RIMBP2: variants seen among roughly 807,000 people sequenced by gnomAD.
The protein encoded by RIMBP2 is RIMS-binding protein 2.
RIMBP2 carries 48 observed loss-of-function variants against 118.6 expected under a neutral mutation model. That is an observed-to-expected ratio of 0.40 (90% confidence interval 0.32 to 0.51). The LOEUF (loss-of-function observed/expected upper bound fraction) is 0.51, where lower values mean the gene tolerates loss of function less well. Ranked by LOEUF, RIMBP2 falls within the 20% of genes least tolerant of loss-of-function variation. RIMBP2 has a pLI of 0.41. For synonymous variants in RIMBP2, 762 were observed against 742.9 expected (o/e 1.03, Z -0.42); for missense variants, 1,551 against 1,768.3 (o/e 0.88, Z 2.20).
rs139697978 is a variant in RIMBP2 at position 130,503,651 on chromosome 12, C to T, written c.-4+2997G>A. Among the ~76,000 whole-genome samples the T allele has an allele frequency of 5.9e-3, 900 of 152,282 alleles. 10 individuals carry two copies. Among genetic ancestry groups the T allele is most frequent in the African/African-American group, 0.02 (825 of 41,548 alleles). On this transcript the variant is annotated intron_variant, in intron 4 of 22. Coordinates refer to ENST00000690449, the MANE Select transcript of RIMBP2 (RefSeq NM_001393629.1). ...TTCTGCATCCTCTAACATAACATTC[C>T]GAGTAAGAAAACCATGTCCAGCACG... is the stretch of plus-strand genomic sequence containing the variant.
rs374641281 is a variant in RIMBP2, at chr12:130,469,240, C to T, written c.153+1453G>A. On this transcript the variant is annotated intron_variant, in intron 6 of 22. Coordinates refer to ENST00000690449, the MANE Select transcript of RIMBP2 (RefSeq NM_001393629.1). This position sits in a 1 kb window ranked among gnomAD's most constrained non-coding sequence, Gnocchi z 4.8. ...TAAAAGACACAATTCCCAGCACATC[C>T]GAATTGCCTTGTTTTTCGAACCAAA... 5.9e-5 allele frequency: 9 copies of T among 152,538 alleles called. No homozygotes were observed. The highest frequency in any genetic ancestry group is 6.5e-5 in the Admixed American group (1 of 15,284). The allele number at this position is 152,538 out of a possible 1,614,324, so 9.4% of individuals were successfully genotyped here.
intron 4 of RIMBP2, among the ~76,000 whole-genome samples, chr12:130,480,549 ATTATT>A (rs1475195348): frequency 6.6e-6 from 1 of 152,134 alleles, no homozygotes; most frequent in African/African-American, 2.4e-5. Context: ...TTTATTTTTT[ATTATT>A]TTATTATTTT....
chr12:130,472,935 C>T (rs766173342), intron 5 of RIMBP2, among the ~76,000 whole-genome samples: 10 of 152,132 alleles, frequency 6.6e-5, no homozygotes, highest in Non-Finnish European at 2.9e-5. Context: ...AAGCAAAAAC[C>T]AGCAAGAGCA....
chr12:130,712,352 T>G lies in RIMBP2; in HGVS notation c.-352+3870A>C, dbSNP rs920759127. On this transcript the variant is annotated intron_variant, in intron 1 of 22. Transcript: ENST00000690449. ...GTACAGCTGTACAAAAATAATTTCT[T>G]TCTTTATATCCTCATCTATTTGCTT... is the stretch of plus-strand genomic sequence containing the variant. Among the ~76,000 whole-genome samples the G allele has an allele frequency of 2.6e-5, 4 of 152,238 alleles. 1 individual carries two copies. Among genetic ancestry groups the G allele is most frequent in the Non-Finnish European group, 5.9e-5 (4 of 68,048 alleles).
At chr12:130,460,222 C>A (rs2079854128) in intron 6 of RIMBP2, among the ~76,000 whole-genome samples, 1 of 152,148 alleles carries the variant, frequency 6.6e-6, no homozygotes, top group Non-Finnish European at 1.5e-5. Flanking sequence ...GAACCCTCAG[C>A]TCTAGGTATC....
chr12:130,517,425 C>T (rs1041970559), intron 3 of RIMBP2, among the ~76,000 whole-genome samples: 1 of 152,110 alleles, frequency 6.6e-6, no homozygotes, highest in Admixed American at 6.5e-5. Flanking sequence ...TTATAAGCAA[C>T]AGAAAACAGA....
chr12:130,515,037 C>T (rs1481270458), intron 3 of RIMBP2, among the ~76,000 whole-genome samples: 19 of 152,006 alleles, frequency 1.2e-4, no homozygotes, highest in Admixed American at 3.9e-4. Context: ...CCACCACGCC[C>T]GGCTAATTTT....
intron 2 of RIMBP2, among the ~76,000 whole-genome samples, chr12:130,579,236 G>A (rs891065610): frequency 6.6e-6 from 1 of 152,124 alleles, no homozygotes; most frequent in African/African-American, 2.4e-5. Flanking sequence ...CTAATAAGAG[G>A]GTTCACAGTG....
intron 4 of RIMBP2, among the ~76,000 whole-genome samples, chr12:130,479,587 G>A (rs577722699): frequency 7.9e-5 from 10 of 127,266 alleles, no homozygotes; most frequent in African/African-American, 2.3e-4. Context: ...CCCAGAGTCC[G>A]CACCCTCCCG....
chr12:130,600,425 G>A (rs915476392), intron 2 of RIMBP2, among the ~76,000 whole-genome samples: 3 of 140,570 alleles, frequency 2.1e-5, no homozygotes, highest in Admixed American at 7.0e-5. Context: ...GAACCTCCCC[G>A]CTGGCCAGAA....
rs2065187423 is a variant in RIMBP2, at chr12:130,688,877, G to A, written c.-352+27345C>T. On this transcript the variant is annotated intron_variant, in intron 1 of 22. Coordinates refer to ENST00000690449, the MANE Select transcript of RIMBP2 (RefSeq NM_001393629.1). This position sits in a 1 kb window ranked among gnomAD's most constrained non-coding sequence, Gnocchi z 4.7. ...ACGCTGGCTGAAACGTGGGCCTCAC[G>A]TTGCCTGAGGCAGCCCACCCCACTC... Among the ~76,000 whole-genome samples the A allele has an allele frequency of 6.6e-6, 1 of 152,222 alleles. No individual in the cohort carries two copies. Among genetic ancestry groups the A allele is most frequent in the Non-Finnish European group, 1.5e-5 (1 of 68,040 alleles).
chr12:130,663,680 T>C (rs2136366990), intron 1 of RIMBP2, among the ~76,000 whole-genome samples: 1 of 151,856 alleles, frequency 6.6e-6, no homozygotes, highest in Admixed American at 6.5e-5. Context: ...GTGACATGGG[T>C]GTCCCCAGAC....
chr12:130,602,421 T>C (rs1403146023), intron 2 of RIMBP2, among the ~76,000 whole-genome samples: 1 of 152,184 alleles, frequency 6.6e-6, no homozygotes, highest in East Asian at 1.9e-4. Context: ...GGAGGATGTG[T>C]CCCTTCAATG....
rs773157042 is a variant in RIMBP2 at position 130,475,662 on chromosome 12, A to G, written c.102+3250T>C. Among the ~76,000 whole-genome samples, 5 of 152,074 alleles carry G rather than the reference A, an allele frequency of 3.3e-5. No individual in the cohort carries two copies. Among genetic ancestry groups the G allele is most frequent in the Non-Finnish European group, 5.9e-5 (4 of 68,018 alleles). On this transcript the variant is annotated intron_variant, in intron 5 of 22. Coordinates refer to ENST00000690449, the MANE Select transcript of RIMBP2 (RefSeq NM_001393629.1). This position sits in a 1 kb window ranked among gnomAD's most constrained non-coding sequence, Gnocchi z 4.1. Reference sequence around the variant, plus strand: ...GAATCAGAAGCCCCCCAGAGGACTGAGACTCTCTTGAGAGGAATTTTACAG... The same window carrying G: ...GAATCAGAAGCCCCCCAGAGGACTGGGACTCTCTTGAGAGGAATTTTACAG...
chr12:130,549,825 G>A (rs967559656), intron 2 of RIMBP2, among the ~76,000 whole-genome samples: 30 of 152,200 alleles, frequency 2.0e-4, no homozygotes, highest in Admixed American at 9.8e-4. Context: ...ACATTCATGC[G>A]CATGTGTCTT....
intron 5 of RIMBP2, among the ~76,000 whole-genome samples, chr12:130,474,575 G>A (rs939502906): frequency 1.3e-5 from 2 of 152,322 alleles, no homozygotes; most frequent in African/African-American, 2.4e-5. Context: ...GGGGCGACAT[G>A]CCCTCTGTCT....
chr12:130,556,412 C>T (rs905421378), intron 2 of RIMBP2, among the ~76,000 whole-genome samples: 2 of 152,192 alleles, frequency 1.3e-5, no homozygotes, highest in Admixed American at 6.5e-5. Flanking sequence ...GATTGGAACT[C>T]GGGAAGTGGT....
chr12:130,696,389 C>T (rs936313939), intron 1 of RIMBP2, among the ~76,000 whole-genome samples: 4 of 152,124 alleles, frequency 2.6e-5, no homozygotes, highest in African/African-American at 9.7e-5. Context: ...CATCTGCATC[C>T]CTCAAGTTTG....
chr12:130,688,774 C>T lies in RIMBP2; in HGVS notation c.-352+27448G>A, dbSNP rs1682315563. Among the ~76,000 whole-genome samples, 1 of 152,210 alleles carries T rather than the reference C, an allele frequency of 6.6e-6. No homozygotes were observed. Among genetic ancestry groups the T allele is most frequent in the Admixed American group, 6.5e-5 (1 of 15,292 alleles). On this transcript the variant is annotated intron_variant, in intron 1 of 22. Transcript: ENST00000690449. This position sits in a 1 kb window ranked among gnomAD's most constrained non-coding sequence, Gnocchi z 4.7. Reference sequence around the variant, plus strand: ...CTCATACAGAGACACAGAACCACCTCCACCACCACTGTCTCCTCCGGCCCC... The same window carrying T: ...CTCATACAGAGACACAGAACCACCTTCACCACCACTGTCTCCTCCGGCCCC...
Sources: allele counts gnomAD v4.1 joint callset (sites outside exome capture counted in the v4.1 genomes callset), GRCh38; gene constraint gnomAD v4.1.1; non-coding constraint Gnocchi (gnomAD v3.1); transcripts MANE v1.5; gene names NCBI Gene and HGNC (gene_info 2026-07-23, HGNC 2026-07-21).